Variants in CTCFL observed in about 807,000 individuals in gnomAD.
The protein encoded by CTCFL is transcriptional repressor CTCFL.
Under a neutral mutation model 67.4 loss-of-function variants are expected in CTCFL, and 36 were observed. The observed-to-expected ratio is 0.53, with a 90% CI of 0.41 to 0.71. The LOEUF is 0.71. Ranked by LOEUF, CTCFL falls within the 30% of genes least tolerant of loss-of-function variation. The pLI is 0.00. For synonymous variants in CTCFL, 324 were observed against 302.3 expected (o/e 1.07, Z -0.75); for missense variants, 786 against 835.2 (o/e 0.94, Z 0.73).
At chr20:57,496,668 T>C (rs1568843430), downstream of CTCFL, among the ~76,000 whole-genome samples, 1 of 152,240 alleles carries the variant, frequency 6.6e-6, no homozygotes, top group Non-Finnish European at 1.5e-5. Context: ...CTGACTGTTC[T>C]AGATACCTCC....
Position 57,524,154 on chromosome 20 carries a change from CTT to C in CTCFL, c.50_51del (p.Lys17ArgfsTer28). ...SVLSEQFTKI[K>X]ELELMPEKGL... ...CCTTTTTCCGGCATCAACTCGAGTT[CTT>C]TGATCTTGGTGAATTGCTCAGAAAG... On this transcript the variant is annotated frameshift_variant, in exon 2 of 11. Transcript: ENST00000243914. LOFTEE classifies it high-confidence loss of function. 1 of 1,613,478 alleles carries C rather than the reference CTT, an allele frequency of 6.2e-7. No individual in the cohort carries two copies. Among genetic ancestry groups the C allele is most frequent in the Non-Finnish European group, 8.5e-7 (1 of 1,179,960 alleles).
At chr20:57,524,656 C>G in intron 1 of CTCFL, 1 of 1,005,510 alleles carries the variant, frequency 9.9e-7, no homozygotes, top group Admixed American at 5.1e-5. Flanking sequence ...AGTTTCAGGT[C>G]CAAGCAGGCC....
chr20:57,500,811 G>T (rs2067874028), intron 10 of CTCFL, among the ~76,000 whole-genome samples: 1 of 151,846 alleles, frequency 6.6e-6, no homozygotes. Context: ...TCTTCTGGAG[G>T]TTTAAGAGAT....
At chr20:57,501,390 A>T (rs977684715) in intron 10 of CTCFL, among the ~76,000 whole-genome samples, 3 of 21,470 alleles carry the variant, frequency 1.4e-4, no homozygotes, top group Non-Finnish European at 2.6e-4. Context: ...TTGGCTGAGG[A>T]GGGTGGGTGG....
At chr20:57,512,151 C>A (rs535562963) in intron 8 of CTCFL, among the ~76,000 whole-genome samples, 39 of 152,286 alleles carry the variant, frequency 2.6e-4, no homozygotes, top group Non-Finnish European at 4.6e-4. Flanking sequence ...AAGTTAACAA[C>A]TTTAACTGCC....
Position 57,498,719 on chromosome 20 carries a change from G to A in CTCFL, c.1841-18C>T. 6.3e-7 allele frequency: 1 copy of A among 1,596,386 alleles called. No homozygotes were observed. Among genetic ancestry groups the A allele is most frequent in the Non-Finnish European group, 8.5e-7 (1 of 1,170,460 alleles). ...AGCAGCTTCTTGAGAAAAAGTCCAG[G>A]ATGAGCAAATTTATCAGAAAGCTAA... On this transcript the variant is annotated intron_variant, in intron 10 of 10. Coordinates refer to ENST00000243914, the MANE Select transcript of CTCFL (RefSeq NM_001386993.1).
At position 57,497,769 on chromosome 20, in the gene CTCFL, T is replaced by C; in HGVS notation, c.*781A>G. The C allele has an allele frequency of 1.0e-6, 1 of 984,864 alleles. No individual in the cohort carries two copies. Among genetic ancestry groups the C allele is most frequent in the Non-Finnish European group, 1.2e-6 (1 of 829,412 alleles). 61.0% of individuals were successfully genotyped at this position (984,864 alleles called of 1,614,324 possible). On this transcript the variant is annotated 3_prime_UTR_variant, in exon 11 of 11. Transcript: ENST00000243914. ...GTAGTTTTAGCAGAAAAAAGGGTTA[T>C]GGAGTGAAATACTAATAAGCAATAA... is the stretch of plus-strand genomic sequence containing the variant.
chr20:57,517,462 G>C (rs978512260), intron 5 of CTCFL, among the ~76,000 whole-genome samples: 2 of 152,038 alleles, frequency 1.3e-5, no homozygotes, highest in African/African-American at 4.8e-5. Context: ...ATTTTTAGTA[G>C]AGACAGGGTT....
chr20:57,496,520 T>G (rs1390574442), downstream of CTCFL, among the ~76,000 whole-genome samples: 2 of 152,238 alleles, frequency 1.3e-5, no homozygotes, highest in Non-Finnish European at 2.9e-5. Flanking sequence ...TTCACACTGT[T>G]GTGTGGCCAT....
chr20:57,525,225 G>T (rs1173132955), upstream of CTCFL: 3 of 132,998 alleles, frequency 2.3e-5, no homozygotes, highest in Non-Finnish European at 4.9e-5. Flanking sequence ...AGGGGGTGAT[G>T]TACTGTGGGG....
At chr20:57,505,478 G>C (rs528866306) in intron 9 of CTCFL, among the ~76,000 whole-genome samples, 4 of 152,042 alleles carry the variant, frequency 2.6e-5, no homozygotes, top group Non-Finnish European at 2.9e-5. Context: ...GGATGGTCTC[G>C]ATCTCCTGAC....
rs1477429106 is a variant in CTCFL at position 57,497,425 on chromosome 20, T to C, written c.*1125A>G. On this transcript the variant is annotated 3_prime_UTR_variant, in exon 11 of 11. Coordinates refer to ENST00000243914, the MANE Select transcript of CTCFL (RefSeq NM_001386993.1). Reference sequence around the variant, plus strand: ...TGTGATATTTTCAATAAAAGGTCCATATCTTAAGAATTTGAATTTAGGGCT... The same window carrying C: ...TGTGATATTTTCAATAAAAGGTCCACATCTTAAGAATTTGAATTTAGGGCT... The C allele has an allele frequency of 2.0e-6, 2 of 985,284 alleles. No individual in the cohort carries two copies. The highest frequency in any genetic ancestry group is 1.7e-5 in the African/African-American group (1 of 57,248). The allele number at this position is 985,284 out of a possible 1,614,324, so 61.0% of individuals were successfully genotyped here.
At chr20:57,500,482 C>A (rs868112629) in intron 10 of CTCFL, 1 of 159,212 alleles carries the variant, frequency 6.3e-6, no homozygotes, top group African/African-American at 2.4e-5. Context: ...AGTCACCCAT[C>A]GAGATCTGTC....
intron 10 of CTCFL, among the ~76,000 whole-genome samples, chr20:57,502,519 CAGGGACTG>C (rs2067972674): frequency 1.3e-5 from 2 of 151,572 alleles, no homozygotes; most frequent in Non-Finnish European, 2.9e-5. Context: ...ATTCGCAATG[CAGGGACTG>C]AGTCTGGAAT....
chr20:57,502,519 C>CAGGG lies in CTCFL; in HGVS notation c.1840+913_1840+916dup, dbSNP rs776804951. On this transcript the variant is annotated intron_variant, in intron 10 of 10. Coordinates refer to ENST00000243914, the MANE Select transcript of CTCFL (RefSeq NM_001386993.1). ...GTCATCTGTGGGAACATTCGCAATG[C>CAGGG]AGGGACTGAGTCTGGAATGAGAACG... is the stretch of plus-strand genomic sequence containing the variant. Among the ~76,000 whole-genome samples, 8 of 151,690 alleles carry CAGGG rather than the reference C, an allele frequency of 5.3e-5. No homozygotes were observed. In the East Asian group the frequency reaches 1.4e-3, roughly 26 times the overall value.
At position 57,499,074 on chromosome 20, in the gene CTCFL, G is replaced by T. The variant is rs1242825684; in HGVS notation, c.1841-373C>A. Among the ~76,000 whole-genome samples the T allele has an allele frequency of 2.0e-3, 44 of 21,760 alleles. No homozygotes were observed. In the East Asian group the frequency reaches 0.054, roughly 27 times the overall value. 14.3% of individuals were successfully genotyped at this position (21,760 alleles called of 152,430 possible). A position where few individuals can be genotyped will look rare whatever the true frequency, so the allele number is the denominator to read the frequency against. On this transcript the variant is annotated intron_variant, in intron 10 of 10. Transcript: ENST00000243914. ...ATTGCCAGTGTCCCCTGAAGGTGAC[G>T]GGGGGGGGGTGGGGGGGGGACACAG...
chr20:57,503,501 A>T lies in CTCFL; in HGVS notation c.1775T>A (p.Leu592Gln). 1 of 1,614,204 alleles carries T rather than the reference A, an allele frequency of 6.2e-7. No homozygotes were observed. Among genetic ancestry groups the T allele is most frequent in the Non-Finnish European group, 8.5e-7 (1 of 1,180,042 alleles). ...RRTRKRKQTI[L>Q]KEATKGQKEA... ...CTTCTGACCCTTTGTGGCTTCCTTC[A>T]GGATGGTCTGCTTCCTCTTTCTTGT... Residue 592 changes from leucine (L) to glutamine (Q), a missense_variant, in exon 10 of 11, where the codon CTG becomes CAG. Coordinates refer to ENST00000243914, the MANE Select transcript of CTCFL (RefSeq NM_001386993.1).
intron 8 of CTCFL, among the ~76,000 whole-genome samples, chr20:57,511,409 GACATTATAACCTCTTGGTCTATCTTTT>G (rs928088396): frequency 3.3e-5 from 5 of 152,140 alleles, no homozygotes; most frequent in Non-Finnish European, 5.9e-5. Flanking sequence ...GCTCCTCTGC[GACATTATAACCTCTTGGTCTATCTTTT>G]ACTTTGAATG....
At position 57,498,091 on chromosome 20, in the gene CTCFL, T is replaced by C. The variant is rs1455784969; in HGVS notation, c.*459A>G. ...AAACCATATATTATTAGAAATATCA[T>C]GGGTGTATATAATGCAACATAAAAA... On this transcript the variant is annotated 3_prime_UTR_variant, in exon 11 of 11. Coordinates refer to ENST00000243914, the MANE Select transcript of CTCFL (RefSeq NM_001386993.1). 7 of 922,462 alleles carry C rather than the reference T, an allele frequency of 7.6e-6. No individual in the cohort carries two copies. 57.1% of individuals were successfully genotyped at this position (922,462 alleles called of 1,614,324 possible).
Sources: allele counts gnomAD v4.1 joint callset (sites outside exome capture counted in the v4.1 genomes callset), GRCh38; gene constraint gnomAD v4.1.1; transcripts MANE v1.5; gene names NCBI Gene and HGNC (gene_info 2026-07-23, HGNC 2026-07-21).